Variants in PCLO observed in about 807,000 individuals in gnomAD.
PCLO encodes piccolo presynaptic cytomatrix protein, also known as protein piccolo.
Under a neutral mutation model 427.5 loss-of-function variants are expected in PCLO, and 82 were observed. The ratio of observed to expected loss-of-function variants is 0.19; its 90% CI spans 0.16 to 0.23. The LOEUF (loss-of-function observed/expected upper bound fraction) is 0.23. Ranked by LOEUF, PCLO falls within the 10% of genes least tolerant of loss-of-function variation. The pLI is 1.00. For synonymous variants in PCLO, 2,357 were observed against 2,155.4 expected (o/e 1.09, Z -2.59); for missense variants, 6,239 against 6,115.9 (o/e 1.02, Z -0.67).
intron 2 of PCLO, among the ~76,000 whole-genome samples, chr7:83,148,918 T>G (rs185292474): frequency 6.6e-6 from 1 of 152,192 alleles, no homozygotes; most frequent in East Asian, 1.9e-4. Flanking sequence ...AGGGGGTCAG[T>G]ATCCAAGTAA....
At chr7:83,115,700 A>G (rs1219338081) in intron 3 of PCLO, among the ~76,000 whole-genome samples, 1 of 152,048 alleles carries the variant, frequency 6.6e-6, no homozygotes, top group Non-Finnish European at 1.5e-5. Flanking sequence ...TAGAGATTGG[A>G]GGTTATTTTT....
intron 22 of PCLO, among the ~76,000 whole-genome samples, chr7:82,778,570 A>G (rs1045805193): frequency 2.6e-5 from 4 of 152,226 alleles, no homozygotes; most frequent in African/African-American, 9.6e-5. Context: ...AAATTTCTTT[A>G]TTATTTGGCC....
chr7:83,135,803 T>A, intron 2 of PCLO, 147 bp from the exon 3 acceptor site: 1 of 563,014 alleles, frequency 1.8e-6, no homozygotes, highest in Non-Finnish European at 3.0e-6. Context: ...AAATTGATAT[T>A]AAAATATAAT....
intron 16 of PCLO, among the ~76,000 whole-genome samples, chr7:82,830,875 C>A (rs1297463695): frequency 6.6e-6 from 1 of 151,828 alleles, no homozygotes; most frequent in Non-Finnish European, 1.5e-5. Flanking sequence ...AATTGTTATT[C>A]AAATTTTTCA....
intron 22 of PCLO, among the ~76,000 whole-genome samples, chr7:82,784,607 A>G (rs1286562192): frequency 2.0e-5 from 3 of 152,106 alleles, no homozygotes; most frequent in African/African-American, 4.8e-5. Flanking sequence ...TCCTAACTTT[A>G]TCATCCTCAT....
chr7:82,851,383 C>T (rs1385653199), intron 10 of PCLO, among the ~76,000 whole-genome samples: 1 of 151,820 alleles, frequency 6.6e-6, no homozygotes, highest in Non-Finnish European at 1.5e-5. Context: ...AAGTTAAAAA[C>T]AAGTGAGAAA....
At chr7:82,818,242 G>A (rs533901809) in intron 20 of PCLO, among the ~76,000 whole-genome samples, 3 of 152,064 alleles carry the variant, frequency 2.0e-5, no homozygotes, top group Non-Finnish European at 4.4e-5. Flanking sequence ...AATTCCTTTT[G>A]ACTCACTCCA....
At chr7:83,101,084 T>C (rs1418830056) in intron 3 of PCLO, among the ~76,000 whole-genome samples, 1 of 151,970 alleles carries the variant, frequency 6.6e-6, no homozygotes, top group African/African-American at 2.4e-5. Context: ...TTTACTAAAC[T>C]GATTAACAAT....
intron 3 of PCLO, among the ~76,000 whole-genome samples, chr7:83,001,915 G>C (rs1008057402): frequency 5.9e-5 from 9 of 151,944 alleles, no homozygotes; most frequent in African/African-American, 2.2e-4. Context: ...ATAAAGGTTT[G>C]GGATTCTGAG....
chr7:82,833,526 G>C (rs1476680656), intron 16 of PCLO, among the ~76,000 whole-genome samples: 2 of 152,098 alleles, frequency 1.3e-5, no homozygotes, highest in Admixed American at 6.6e-5. Context: ...AAGTAAAGGA[G>C]ACAAGGAAAC....
At chr7:82,837,576 G>A (rs1185198861) in intron 15 of PCLO, among the ~76,000 whole-genome samples, 1 of 151,910 alleles carries the variant, frequency 6.6e-6, no homozygotes, top group African/African-American at 2.4e-5. Context: ...CCAGAACACA[G>A]CAATTTGCAT....
At chr7:82,865,606 A>G (rs1793073251) in intron 10 of PCLO, among the ~76,000 whole-genome samples, 1 of 151,824 alleles carries the variant, frequency 6.6e-6, no homozygotes, top group Non-Finnish European at 1.5e-5. Context: ...AGACTTAGAT[A>G]CAAAATACTC....
intron 21 of PCLO, among the ~76,000 whole-genome samples, chr7:82,802,416 AC>A (rs1389803446): frequency 1.3e-5 from 2 of 152,102 alleles, no homozygotes; most frequent in Non-Finnish European, 2.9e-5. Flanking sequence ...TCAGCTTCAA[AC>A]TTTTTGGAAA....
chr7:83,162,763 T>C lies in PCLO; in HGVS notation c.-171A>G. ...GCCCGGAACGCCAGGCAGGGGTTAG[T>C]CCCGCTCGCAGGTAACGCCCGCTGC... On this transcript the variant is annotated 5_prime_UTR_variant, in exon 1 of 25. Coordinates refer to ENST00000333891, the MANE Select transcript of PCLO (RefSeq NM_033026.6). 1 of 830,798 alleles carries C rather than the reference T, an allele frequency of 1.2e-6. No individual in the cohort carries two copies. The highest frequency in any genetic ancestry group is 1.8e-6 in the Non-Finnish European group (1 of 555,356). 51.5% of individuals were successfully genotyped at this position (830,798 alleles called of 1,614,324 possible).
chr7:82,849,874 A>G (rs542357851), intron 10 of PCLO, among the ~76,000 whole-genome samples: 3 of 152,074 alleles, frequency 2.0e-5, no homozygotes, highest in Admixed American at 1.3e-4. Flanking sequence ...GTGAATTATG[A>G]TATGTATTAT....
intron 3 of PCLO, among the ~76,000 whole-genome samples, chr7:82,969,319 C>T (rs1430214391): frequency 6.6e-6 from 1 of 151,972 alleles, no homozygotes; most frequent in Non-Finnish European, 1.5e-5. Flanking sequence ...GTGGTGATAA[C>T]CATTAAACTA....
At chr7:82,848,330 TA>T (rs1792560895) in intron 10 of PCLO, among the ~76,000 whole-genome samples, 2 of 137,952 alleles carry the variant, frequency 1.4e-5, no homozygotes, top group African/African-American at 2.9e-5. Context: ...TTTTTTTTTT[TA>T]AACAGGTCCC....
intron 7 of PCLO, among the ~76,000 whole-genome samples, chr7:82,912,851 A>T (rs1234376486): frequency 1.3e-5 from 2 of 152,094 alleles, no homozygotes; most frequent in African/African-American, 4.8e-5. Flanking sequence ...CTATGATGAT[A>T]AATCAAACTC....
rs759222848 is a variant in PCLO, at chr7:82,915,882, T to C, written c.12104A>G (p.Tyr4035Cys). 5.6e-6 allele frequency: 9 copies of C among 1,613,548 alleles called. No individual in the cohort carries two copies. Among genetic ancestry groups the C allele is most frequent in the East Asian group, 2.2e-5 (1 of 44,836 alleles). Residue 4035 changes from tyrosine to cysteine, a missense_variant, in exon 7 of 25, where the codon TAT becomes TGT. Tyr to Cys is a radical substitution (Grantham distance 194, BLOSUM62 -2). This residue lies in a region of PCLO where 680 missense variants were observed against 677.3 expected (regional missense o/e 1.00). Coordinates refer to ENST00000333891, the MANE Select transcript of PCLO (RefSeq NM_033026.6). ...TGGAGTATGGTGATCAATATCTGCA[T>C]AGAAAGAATCTGCAGATATGCTTGA... ...PISSISADSFYADIDHHTPRN... is the reference protein window; with the variant it reads ...PISSISADSFCADIDHHTPRN...
Sources: gnomAD v4.1 joint callset for allele counts (sites outside exome capture counted in the v4.1 genomes callset) on GRCh38, gnomAD v4.1.1 for gene constraint, gnomAD v4.1.1 regional missense constraint, MANE v1.5 for transcripts, NCBI Gene and HGNC (gene_info 2026-07-23, HGNC 2026-07-21) for gene names.